The following PCDHA5 variants were observed in gnomAD, a reference collection of about 807,000 sequenced individuals.
The protein encoded by PCDHA5 is protocadherin alpha-5.
Under a neutral mutation model 61.6 loss-of-function variants are expected in PCDHA5, and 43 were observed. That is an observed-to-expected ratio of 0.70 (90% CI 0.55 to 0.90). The LOEUF (loss-of-function observed/expected upper bound fraction) is 0.90. Among genes scored for constraint, PCDHA5 ranks in the 40% least tolerant of loss-of-function variants. The pLI is 0.00. For missense variants in PCDHA5, 1,298 were observed against 1,222.7 expected, an observed-to-expected ratio of 1.06 and a Z score of -0.92; for synonymous variants, 627 against 543.9, an observed-to-expected ratio of 1.15 and a Z score of -2.13.
intron 1 of PCDHA5, chr5:140,842,143 T>C: frequency 6.2e-7 from 1 of 1,613,830 alleles, no homozygotes; most frequent in Non-Finnish European, 8.5e-7. Flanking sequence ...AAGGAGCCAA[T>C]GGGGCAATTT....
At chr5:140,871,126 C>T in intron 1 of PCDHA5, 1 of 1,613,370 alleles carries the variant, frequency 6.2e-7, no homozygotes. Context: ...CGGACAGGCG[C>T]CAAAGGCCTC....
intron 3 of PCDHA5, among the ~76,000 whole-genome samples, chr5:141,000,421 A>ATATT (rs1265241806): frequency 1.1e-4 from 3 of 27,978 alleles, no homozygotes; most frequent in Non-Finnish European, 1.7e-4. Flanking sequence ...ATATATATAT[A>ATATT]TTTTTTTTTT....
intron 1 of PCDHA5, among the ~76,000 whole-genome samples, chr5:140,964,412 GC>G (rs1330052602): frequency 7.9e-5 from 12 of 152,126 alleles, no homozygotes; most frequent in African/African-American, 2.9e-4. Flanking sequence ...ACATTTGGGG[GC>G]TTCCATTAAA....
intron 1 of PCDHA5, among the ~76,000 whole-genome samples, chr5:140,872,251 T>C (rs557937835): frequency 3.3e-5 from 5 of 152,196 alleles, no homozygotes; most frequent in Non-Finnish European, 7.3e-5. Flanking sequence ...CCTGTGATAA[T>C]ACTTGTTTTC....
rs2150233090 is a variant in PCDHA5 at position 140,847,186 on chromosome 5, T to C, written c.2352+23059T>C. On this transcript the variant is annotated intron_variant, in intron 1 of 3. Transcript: ENST00000529859. ...TAATAAACTAAAGGGCCATGAGTGA[T>C]TAAGGAATTTGGCCACTCTTTAGAA... Among the ~76,000 whole-genome samples, 2 of 149,618 alleles carry C rather than the reference T, an allele frequency of 1.3e-5. 1 individual carries two copies. Among genetic ancestry groups the C allele is most frequent in the African/African-American group, 4.9e-5 (2 of 40,934 alleles).
At chr5:140,846,406 G>A (rs1191758509) in intron 1 of PCDHA5, among the ~76,000 whole-genome samples, 1 of 111,134 alleles carries the variant, frequency 9.0e-6, no homozygotes, top group Non-Finnish European at 1.7e-5. Flanking sequence ...ACGGAGTCTC[G>A]CTCTATCTCC....
chr5:140,984,971 T>A (rs1437915679), intron 3 of PCDHA5, among the ~76,000 whole-genome samples: 1 of 152,080 alleles, frequency 6.6e-6, no homozygotes, highest in East Asian at 1.9e-4. Flanking sequence ...AGAGTCTCGC[T>A]CTGTCCCCCA....
chr5:140,973,468 C>T (rs2096588845), intron 1 of PCDHA5, among the ~76,000 whole-genome samples: 1 of 152,202 alleles, frequency 6.6e-6, no homozygotes, highest in East Asian at 1.9e-4. Context: ...TTTTAGTTTG[C>T]AAATTTCATA....
Position 140,823,902 on chromosome 5 carries a change from G to C in PCDHA5, c.2127G>C (p.Leu709=). Residue 709 remains leucine, a synonymous_variant, in exon 1 of 4, where the codon CTG becomes CTC. Transcript: ENST00000529859. Reference sequence around the variant, plus strand: ...TCGCCATCTGTGCGGTGTCCAGCCTGCTGGTGCTCACGCTGCTGCTGTACA... The same window carrying C: ...TCGCCATCTGTGCGGTGTCCAGCCTCCTGGTGCTCACGCTGCTGCTGTACA... ...LIIAICAVSS[L]LVLTLLLYTA... 1 of 1,614,050 alleles carries C rather than the reference G, an allele frequency of 6.2e-7. No individual in the cohort carries two copies. The highest frequency in any genetic ancestry group is 8.5e-7 in the Non-Finnish European group (1 of 1,179,960).
chr5:140,945,927 G>A (rs1036727708), intron 1 of PCDHA5, among the ~76,000 whole-genome samples: 1 of 152,038 alleles, frequency 6.6e-6, no homozygotes, highest in East Asian at 1.9e-4. Flanking sequence ...ACTGATCTGA[G>A]CAATGATGTT....
intron 1 of PCDHA5, chr5:140,842,364 C>T (rs1777899018): frequency 6.8e-6 from 11 of 1,607,810 alleles, no homozygotes; most frequent in East Asian, 2.2e-5. Flanking sequence ...GATAACGTCC[C>T]TGAGATAGCA....
At chr5:140,904,314 T>C (rs1554191432) in intron 1 of PCDHA5, among the ~76,000 whole-genome samples, 1 of 152,080 alleles carries the variant, frequency 6.6e-6, no homozygotes, top group Admixed American at 6.6e-5. Flanking sequence ...TTTCTTCACT[T>C]AGAATAATGG....
intron 1 of PCDHA5, chr5:140,969,102 T>C: frequency 1.2e-6 from 2 of 1,614,114 alleles, no homozygotes; most frequent in African/African-American, 1.3e-5. Flanking sequence ...CCTCACTTCA[T>C]TGAAGTTCGA....
At position 140,823,254 on chromosome 5, in the gene PCDHA5, G is replaced by T. The variant is rs2150123985; in HGVS notation, c.1479G>T (p.Leu493=). 22 of 1,613,170 alleles carry T rather than the reference G, an allele frequency of 1.4e-5. No homozygotes were observed. The highest frequency in any genetic ancestry group is 4.0e-5 in the African/African-American group (3 of 74,938). Residue 493 remains leucine, a synonymous_variant, in exon 1 of 4, where the codon CTG becomes CTT. Coordinates refer to ENST00000529859, the MANE Select transcript of PCDHA5 (RefSeq NM_018908.3). ...AQENALVSYS[L]VERRVGERPL... ...AGAACGCCCTGGTGTCCTACTCGCT[G>T]GTGGAGCGGCGGGTGGGCGAGCGCC...
At chr5:140,966,641 A>C in intron 1 of PCDHA5, 5 of 1,104,534 alleles carry the variant, frequency 4.5e-6, no homozygotes, top group Non-Finnish European at 6.0e-6. Flanking sequence ...GGCGCTTTCT[A>C]GAGCGTGAGC....
Position 141,010,074 on chromosome 5 carries a change from G to C in PCDHA5, c.*137G>C. 6.2e-7 allele frequency: 1 copy of C among 1,607,844 alleles called. No homozygotes were observed. Among genetic ancestry groups the C allele is most frequent in the Non-Finnish European group, 8.5e-7 (1 of 1,176,754 alleles). On this transcript the variant is annotated 3_prime_UTR_variant, in exon 4 of 4. Transcript: ENST00000529859. ...CTCAGAAATCTGCAGAAAGTTCCCT[G>C]TGTCTGTCTAGAACGCATTTAACAG...
chr5:140,839,017 T>A (rs2150294125), intron 1 of PCDHA5, among the ~76,000 whole-genome samples: 2 of 152,096 alleles, frequency 1.3e-5, no homozygotes, highest in Non-Finnish European at 2.9e-5. Flanking sequence ...TAAATTATTT[T>A]AGGATATGTT....
At chr5:140,969,464 C>T in intron 1 of PCDHA5, 2 of 1,491,562 alleles carry the variant, frequency 1.3e-6, no homozygotes, top group South Asian at 2.7e-5. Context: ...ATATAGTATC[C>T]ACAATTTGAT....
chr5:140,895,309 C>A (rs1327911944), intron 1 of PCDHA5, among the ~76,000 whole-genome samples: 1 of 152,124 alleles, frequency 6.6e-6, no homozygotes, highest in African/African-American at 2.4e-5. Context: ...CCCCCTTCCA[C>A]CCATGACTAT....
Sources: gnomAD v4.1 joint callset for allele counts (sites outside exome capture counted in the v4.1 genomes callset) on GRCh38, gnomAD v4.1.1 for gene constraint, MANE v1.5 for transcripts, NCBI Gene and HGNC (gene_info 2026-07-23, HGNC 2026-07-21) for gene names.